PDE11A: variants seen among roughly 807,000 people sequenced by gnomAD.
The protein encoded by PDE11A is phosphodiesterase 11A.
A neutral mutation model predicts 100.5 loss-of-function variants in PDE11A; 100 were observed. The observed-to-expected ratio is 1.00, with a 90% confidence interval of 0.85 to 1.18. The LOEUF is 1.18. Ranked by LOEUF, PDE11A falls within the 50% of genes most tolerant of loss-of-function variation. The pLI is 0.00. For missense variants in PDE11A, 1,141 were observed against 1,152.6 expected (o/e 0.99, Z 0.15); for synonymous variants, 381 against 420.8 (o/e 0.91, Z 1.16).
intron 5 of PDE11A, among the ~76,000 whole-genome samples, chr2:177,862,961 A>G (rs1371305493): frequency 6.6e-6 from 1 of 152,012 alleles, no homozygotes; most frequent in African/African-American, 2.4e-5. Context: ...ATAAAACAGT[A>G]AGATATTGAC....
intron 12 of PDE11A, among the ~76,000 whole-genome samples, chr2:177,724,085 A>G (rs1434123578): frequency 6.6e-6 from 1 of 152,118 alleles, no homozygotes; most frequent in African/African-American, 2.4e-5. Flanking sequence ...CCTCATTTTA[A>G]CCACAAATAA....
intron 2 of PDE11A, among the ~76,000 whole-genome samples, chr2:177,948,156 T>C (rs1184948962): frequency 6.6e-6 from 1 of 152,186 alleles, no homozygotes; most frequent in Non-Finnish European, 1.5e-5. Flanking sequence ...TTTGAAAACA[T>C]GATTTAACAT....
At chr2:177,834,742 C>T (rs184021043) in intron 6 of PDE11A, among the ~76,000 whole-genome samples, 4 of 152,364 alleles carry the variant, frequency 2.6e-5, no homozygotes, top group African/African-American at 9.6e-5. Flanking sequence ...GTTTCTCCCC[C>T]AGGAATCTTC....
chr2:177,670,282 T>C (rs961816630), intron 17 of PDE11A, among the ~76,000 whole-genome samples: 2 of 152,346 alleles, frequency 1.3e-5, no homozygotes, highest in Admixed American at 1.3e-4. Context: ...AATGGGATGC[T>C]TGTTCTACCT....
At chr2:177,836,683 G>A (rs1339530406) in intron 6 of PDE11A, among the ~76,000 whole-genome samples, 2 of 152,170 alleles carry the variant, frequency 1.3e-5, no homozygotes, top group Non-Finnish European at 2.9e-5. Context: ...CTGCCTTTAT[G>A]AGCTGTAACA....
intron 4 of PDE11A, among the ~76,000 whole-genome samples, chr2:177,893,415 G>A (rs561923285): frequency 1.3e-5 from 2 of 152,216 alleles, no homozygotes; most frequent in African/African-American, 4.8e-5. Flanking sequence ...TGGGACTGTA[G>A]GTGCATGCTA....
chr2:177,912,494 T>C (rs768836717), intron 2 of PDE11A, among the ~76,000 whole-genome samples: 2 of 152,182 alleles, frequency 1.3e-5, no homozygotes, highest in Non-Finnish European at 2.9e-5. Flanking sequence ...CAGGTACTAC[T>C]CATATCACTC....
At chr2:177,809,284 C>A (rs777157795) in intron 9 of PDE11A, among the ~76,000 whole-genome samples, 11 of 152,112 alleles carry the variant, frequency 7.2e-5, no homozygotes, top group Non-Finnish European at 1.3e-4. Flanking sequence ...TTTTACCACT[C>A]TTTTAAAGCA....
intron 2 of PDE11A, among the ~76,000 whole-genome samples, chr2:177,924,512 A>T (rs1366057954): frequency 6.6e-6 from 1 of 152,184 alleles, no homozygotes; most frequent in Admixed American, 6.5e-5. Flanking sequence ...CACTCAAGGA[A>T]TTTATAAGAT....
At chr2:177,930,369 C>T (rs1195050863) in intron 2 of PDE11A, among the ~76,000 whole-genome samples, 1 of 151,834 alleles carries the variant, frequency 6.6e-6, no homozygotes, top group African/African-American at 2.4e-5. Context: ...AAGTAAACAA[C>T]CATATTCAAT....
At chr2:177,719,370 A>C (rs1234100695) in intron 12 of PDE11A, among the ~76,000 whole-genome samples, 3 of 152,188 alleles carry the variant, frequency 2.0e-5, no homozygotes, top group Non-Finnish European at 4.4e-5. Flanking sequence ...AGCTGAAGAC[A>C]GTAGGCTCCA....
intron 16 of PDE11A, 70 bp downstream of exon 16, chr2:177,680,756 C>T: frequency 2.4e-6 from 2 of 830,726 alleles, no homozygotes; most frequent in Non-Finnish European, 2.1e-6. Flanking sequence ...GCTCTTAGTA[C>T]TGTCAGAAAA....
intron 15 of PDE11A, among the ~76,000 whole-genome samples, chr2:177,689,240 G>A (rs139773551): frequency 0.01 from 1,576 of 152,092 alleles, 28 homozygotes; most frequent in African/African-American, 0.036. Context: ...GCACCACCAC[G>A]CCCAGCTAAT....
intron 9 of PDE11A, among the ~76,000 whole-genome samples, chr2:177,803,301 A>C (rs1052722595): frequency 6.7e-6 from 1 of 148,572 alleles, no homozygotes; most frequent in Non-Finnish European, 1.5e-5. Flanking sequence ...TATAAAAAAA[A>C]TCTCCTAACA....
intron 9 of PDE11A, among the ~76,000 whole-genome samples, chr2:177,777,244 C>T (rs1039703591): frequency 4.1e-5 from 5 of 122,576 alleles, no homozygotes; most frequent in Non-Finnish European, 8.7e-5. Flanking sequence ...GTTTAAGTGA[C>T]CCAGTCTGTG....
rs546715718 is a variant in PDE11A, at chr2:177,851,318, T to C, written c.1368-10935A>G. On this transcript the variant is annotated intron_variant, in intron 5 of 19. Transcript: ENST00000286063. ...ACCAAACACCGCATGTTCTCGCTCATAGGTGGGAATTGAACAATGAGAACA... is the reference window on the plus strand; with the variant it reads ...ACCAAACACCGCATGTTCTCGCTCACAGGTGGGAATTGAACAATGAGAACA... Among the ~76,000 whole-genome samples the C allele has an allele frequency of 6.5e-3, 994 of 151,818 alleles. 11 individuals carry two copies. Among genetic ancestry groups the C allele is most frequent in the African/African-American group, 0.022 (920 of 41,246 alleles).
At chr2:177,852,912 G>A (rs2118482) in intron 5 of PDE11A, among the ~76,000 whole-genome samples, 82,967 of 152,066 alleles carry the variant, frequency 0.55, 24,667 homozygotes, top group East Asian at 0.74. Flanking sequence ...TAAGCATTCT[G>A]TATTAACAGA....
chr2:178,079,222 C>A (rs1385912918), intron 2 of PDE11A, among the ~76,000 whole-genome samples: 1 of 152,096 alleles, frequency 6.6e-6, no homozygotes, highest in Non-Finnish European at 1.5e-5. Flanking sequence ...AAGTGTGCTG[C>A]ACAGATCAAC....
intron 10 of PDE11A, among the ~76,000 whole-genome samples, chr2:177,745,015 C>T (rs539188045): frequency 6.6e-5 from 10 of 152,294 alleles, no homozygotes; most frequent in East Asian, 1.9e-4. Flanking sequence ...TGCTTCTTTC[C>T]GCAACATAAC....
Sources: allele counts gnomAD v4.1 joint callset (sites outside exome capture counted in the v4.1 genomes callset), GRCh38; gene constraint gnomAD v4.1.1; transcripts MANE v1.5; gene names NCBI Gene and HGNC (gene_info 2026-07-23, HGNC 2026-07-21).